The following MEI1 variants were observed in gnomAD, a reference collection of about 807,000 sequenced individuals.
MEI1 encodes meiotic double-stranded break formation protein 1.
A neutral mutation model predicts 146.2 loss-of-function variants in MEI1; 103 were observed. The ratio of observed to expected loss-of-function variants is 0.70; its 90% CI spans 0.60 to 0.83. The LOEUF (loss-of-function observed/expected upper bound fraction) is 0.83. Ranked by LOEUF, MEI1 falls within the 40% of genes least tolerant of loss-of-function variation. The probability of loss-of-function intolerance (pLI) is 0.00; values close to 1 mark genes in which losing one functional copy is unlikely to be tolerated. For missense variants in MEI1, 1,529 were observed against 1,533.0 expected (o/e 1.00, Z 0.04); for synonymous variants, 652 against 628.2 (o/e 1.04, Z -0.57).
chr22:41,718,303 A>C, intron 6 of MEI1, 29 bp downstream of exon 6: 1 of 1,604,510 alleles, frequency 6.2e-7, no homozygotes. Context: ...GAAAAAAGGG[A>C]GAATAAGTTT....
Position 41,733,862 on chromosome 22 carries a change from C to T in MEI1, c.1331+1259C>T, listed in dbSNP as rs370712788. Among the ~76,000 whole-genome samples the T allele has an allele frequency of 4.0e-5, 6 of 151,852 alleles. No homozygotes were observed. In the East Asian group the frequency reaches 7.8e-4, roughly 20 times the overall value. ...TACTGGAGGACCACGTGCGGTGGCT[C>T]ATGCCTATAATCCCAGCACTTTGGG... On this transcript the variant is annotated intron_variant, in intron 11 of 30. Transcript: ENST00000401548.
chr22:41,790,833 C>T (rs1433006816), intron 26 of MEI1, among the ~76,000 whole-genome samples: 3 of 152,046 alleles, frequency 2.0e-5, no homozygotes, highest in African/African-American at 4.8e-5. Flanking sequence ...CCTTGTGATC[C>T]GCCCACCTCA....
In MEI1 at chr22:41,723,994, A is replaced by G. The variant is rs1210081890; in HGVS notation, c.785A>G (p.Asn262Ser). The G allele has an allele frequency of 1.2e-6, 2 of 1,612,870 alleles. No individual in the cohort carries two copies. Among genetic ancestry groups the G allele is most frequent in the Non-Finnish European group, 8.5e-7 (1 of 1,179,468 alleles). The change falls in exon 7 of 31, where the codon AAC (asparagine) becomes AGC (serine). Residue 262 changes from asparagine to serine, a missense_variant. Asn to Ser is a conservative substitution (Grantham distance 46, BLOSUM62 1). Around this residue, in one of 3 missense-constraint regions of MEI1, gnomAD observed 1,212 missense variants for 1,178.9 expected, o/e 1.03. Transcript: ENST00000401548. ...KYDLFVSMIM[N>S]QDGLGESAKN... ...GATCTCTTTGTGTCCATGATCATGA[A>G]CCAGGATGGACTGGGAGAAAGTGCT...
intron 15 of MEI1, among the ~76,000 whole-genome samples, chr22:41,752,033 G>A (rs2073790303): frequency 6.6e-6 from 1 of 151,352 alleles, no homozygotes; most frequent in South Asian, 2.1e-4. Context: ...TCATGCCACT[G>A]CACTCCAGCC....
intron 19 of MEI1, 112 bp from the exon 20 acceptor site, chr22:41,770,574 T>C: frequency 9.7e-7 from 1 of 1,035,318 alleles, no homozygotes; most frequent in Non-Finnish European, 1.4e-6. Flanking sequence ...AGCCAAGGTG[T>C]CCTGGAATAC....
intron 3 of MEI1, among the ~76,000 whole-genome samples, chr22:41,706,704 A>T (rs1204717045): frequency 1.3e-5 from 2 of 149,690 alleles, no homozygotes; most frequent in Non-Finnish European, 3.0e-5. Flanking sequence ...ACAAAGTGAG[A>T]CCCCTTTCTC....
Position 41,699,575 on chromosome 22 carries a change from G to A in MEI1, c.37G>A (p.Gly13Arg), listed in dbSNP as rs377011126. 6 of 1,612,540 alleles carry A rather than the reference G, an allele frequency of 3.7e-6. No homozygotes were observed. The highest frequency in any genetic ancestry group is 1.1e-5 in the South Asian group (1 of 91,030). ...VRQAATAGTP[G>R]PRREEEAALL... Reference sequence around the variant, plus strand: ...GCAGGCGGCGACGGCGGGCACTCCCGGGCCCAGGAGAGAGGAAGAGGCGGC... The same window carrying A: ...GCAGGCGGCGACGGCGGGCACTCCCAGGCCCAGGAGAGAGGAAGAGGCGGC... Residue 13 changes from glycine to arginine, a missense_variant, in exon 1 of 31, where the codon GGG becomes AGG. Around this residue, in one of 3 missense-constraint regions of MEI1, gnomAD observed 1,212 missense variants for 1,178.9 expected, o/e 1.03. Transcript: ENST00000401548.
At chr22:41,773,732 G>A (rs765833959) in intron 20 of MEI1, among the ~76,000 whole-genome samples, 6 of 152,054 alleles carry the variant, frequency 3.9e-5, no homozygotes, top group African/African-American at 9.6e-5. Flanking sequence ...AAAATTAGCC[G>A]GGCATGGTGG....
rs764286160 is a variant in MEI1 at position 41,770,953 on chromosome 22, AT to A, written c.2537del (p.Ile846ThrfsTer18). The A allele has an allele frequency of 3.7e-6, 6 of 1,612,754 alleles. No homozygotes were observed. Among genetic ancestry groups the A allele is most frequent in the Non-Finnish European group, 4.2e-6 (5 of 1,179,168 alleles). The stretch of plus-strand genomic sequence containing the variant: ...CAGAAGCATCCCCAGCATCCTGCTC[AT>A]CTTGCTGGTAGGCAACCACTCATTC... Reference protein sequence around the residue: ...LLRSIPSILLILLDLIYSSPV... With the variant: ...LLRSIPSILLXLLDLIYSSPV... On this transcript the variant is annotated frameshift_variant, in exon 20 of 31. Transcript: ENST00000401548. LOFTEE classifies it high-confidence loss of function.
chr22:41,770,808 G>A lies in MEI1; in HGVS notation c.2391G>A (p.Gly797=). ...ATCCAGAGCTCATGAGTAGGTATGG[G>A]CACCGTGTCCTGGAACTTTGGTTCT... ...LLYPELMSRY[G]HRVLELWFFW... Residue 797 remains glycine, a synonymous_variant, in exon 20 of 31, where the codon GGG becomes GGA. Transcript: ENST00000401548. 1 of 1,613,902 alleles carries A rather than the reference G, an allele frequency of 6.2e-7. No individual in the cohort carries two copies. The highest frequency in any genetic ancestry group is 8.5e-7 in the Non-Finnish European group (1 of 1,179,890).
At position 41,699,616 on chromosome 22, in the gene MEI1, G is replaced by A. The variant is rs1331567784; in HGVS notation, c.78G>A (p.Arg26=). ...AAGAGGCGGCGCTTCTATTCGAGAGGGCCCATTACCGGCACGACCCGCGCT... is the reference window on the plus strand; with the variant it reads ...AAGAGGCGGCGCTTCTATTCGAGAGAGCCCATTACCGGCACGACCCGCGCT... The part of the protein sequence containing the change: ...REEEAALLFE[R]AHYRHDPRWL... Residue 26 remains arginine, a synonymous_variant, in exon 1 of 31, where the codon AGG becomes AGA. Coordinates refer to ENST00000401548, the MANE Select transcript of MEI1 (RefSeq NM_152513.4). 1 of 1,612,298 alleles carries A rather than the reference G, an allele frequency of 6.2e-7. No homozygotes were observed.
intron 6 of MEI1, among the ~76,000 whole-genome samples, chr22:41,720,619 G>A (rs1480915457): frequency 3.1e-5 from 4 of 129,216 alleles, no homozygotes; most frequent in East Asian, 2.3e-4. Flanking sequence ...TTTTTTTGAC[G>A]GAGTCTGGCA....
At chr22:41,799,150 C>A (rs1394996361) in intron 30 of MEI1, 104 bp from the exon 31 acceptor site, 17 of 1,053,028 alleles carry the variant, frequency 1.6e-5, no homozygotes, top group Non-Finnish European at 2.5e-5. Flanking sequence ...AGGAGCACTT[C>A]TGTTCTTGCC....
chr22:41,717,253 C>G (rs933538437), intron 5 of MEI1, among the ~76,000 whole-genome samples: 1 of 152,150 alleles, frequency 6.6e-6, no homozygotes, highest in African/African-American at 2.4e-5. Context: ...ATCTCTGCCT[C>G]CCAGGTTCAA....
At chr22:41,782,176 A>G (rs972578347) in intron 24 of MEI1, among the ~76,000 whole-genome samples, 1 of 152,210 alleles carries the variant, frequency 6.6e-6, no homozygotes. Context: ...CTCAGCAAAG[A>G]TAGTGGGAGA....
At chr22:41,752,086 A>C (rs2073796167) in intron 15 of MEI1, among the ~76,000 whole-genome samples, 1 of 151,820 alleles carries the variant, frequency 6.6e-6, no homozygotes, top group Admixed American at 6.6e-5. Context: ...AAAAAAAAAG[A>C]AAAGAAACTG....
chr22:41,714,071 A>G lies in MEI1; in HGVS notation c.419A>G (p.Lys140Arg), dbSNP rs763566976. 3.8e-6 allele frequency: 6 copies of G among 1,596,390 alleles called. No individual in the cohort carries two copies. The East Asian group carries it at 1.1e-4, about 30-fold the overall frequency. ...CGTTGCCTGCTGGATGAGTGCCACAAAGAGGTCAGAAAATAGCTATGGGTT... is the reference window on the plus strand; with the variant it reads ...CGTTGCCTGCTGGATGAGTGCCACAGAGAGGTCAGAAAATAGCTATGGGTT... ...TIRCLLDECH[K>R]ELCNMPSMRG... is the part of the protein sequence containing the mutation. The change falls in exon 4 of 31, where the codon AAA (lysine) becomes AGA (arginine). Residue 140 changes from lysine to arginine, a missense_variant. Around this residue, in one of 3 missense-constraint regions of MEI1, gnomAD observed 1,212 missense variants for 1,178.9 expected, o/e 1.03. Transcript: ENST00000401548.
At position 41,718,158 on chromosome 22, in the gene MEI1, A is replaced by G; in HGVS notation, c.617A>G (p.Tyr206Cys). ...GTCTGTTACCTTTATGGGAAGCTATACTCCTCACCAGTGGCAGCTGAGATG... is the reference window on the plus strand; with the variant it reads ...GTCTGTTACCTTTATGGGAAGCTATGCTCCTCACCAGTGGCAGCTGAGATG... ...ASVCYLYGKL[Y>C]SSPVAAEMLS... The change falls in exon 6 of 31, where the codon TAC becomes TGC. Residue 206 changes from tyrosine (Y) to cysteine (C), a missense_variant. By Grantham distance (194) the Tyr-to-Cys change is radical (BLOSUM62 -2). Coordinates refer to ENST00000401548, the MANE Select transcript of MEI1 (RefSeq NM_152513.4). 1 of 1,613,640 alleles carries G rather than the reference A, an allele frequency of 6.2e-7. No individual in the cohort carries two copies. The highest frequency in any genetic ancestry group is 2.2e-5 in the East Asian group (1 of 44,874).
chr22:41,730,538 C>T lies in MEI1; in HGVS notation c.997C>T (p.Leu333Phe), dbSNP rs1266401525. 6.2e-7 allele frequency: 1 copy of T among 1,613,176 alleles called. No individual in the cohort carries two copies. Among genetic ancestry groups the T allele is most frequent in the Non-Finnish European group, 8.5e-7 (1 of 1,179,276 alleles). Reference protein sequence around the residue: ...ADIPEFLFEHLSSSSEVLVWS... With the variant: ...ADIPEFLFEHFSSSSEVLVWS... ...CTTGTTAGAGTTCCTCTTTGAGCAT[C>T]TTTCTTCTTCCAGTGAAGTGCTCGT... is the stretch of plus-strand genomic sequence containing the variant. The change falls in exon 9 of 31, where the codon CTT (leucine) becomes TTT (phenylalanine). Residue 333 changes from leucine to phenylalanine, a missense_variant. By Grantham distance (22) the Leu-to-Phe change is conservative. Around this residue, in one of 3 missense-constraint regions of MEI1, gnomAD observed 1,212 missense variants for 1,178.9 expected, o/e 1.03. Coordinates refer to ENST00000401548, the MANE Select transcript of MEI1 (RefSeq NM_152513.4).
Sources: gnomAD v4.1 joint callset for allele counts (sites outside exome capture counted in the v4.1 genomes callset) on GRCh38, gnomAD v4.1.1 for gene constraint, gnomAD v4.1.1 regional missense constraint, MANE v1.5 for transcripts, NCBI Gene and HGNC (gene_info 2026-07-23, HGNC 2026-07-21) for gene names.